MYCBP2: variants seen among roughly 807,000 people sequenced by gnomAD.
The protein encoded by MYCBP2 is MYC binding protein 2.
MYCBP2 carries 120 observed loss-of-function variants against 525.3 expected under a neutral mutation model. The ratio of observed to expected loss-of-function variants is 0.23; its 90% CI spans 0.20 to 0.27. The LOEUF (loss-of-function observed/expected upper bound fraction) is 0.27, where lower values mean the gene tolerates loss of function less well. Ranked by LOEUF, MYCBP2 falls within the 10% of genes least tolerant of loss-of-function variation. MYCBP2 has a pLI of 1.00. For missense variants in MYCBP2, 4,149 were observed against 5,657.1 expected (o/e 0.73, Z 8.55); for synonymous variants, 1,894 against 1,955.8 (o/e 0.97, Z 0.83).
In MYCBP2 at chr13:77,243,040, C is replaced by T. The variant is rs756154484; in HGVS notation, c.2629+19G>A. On this transcript the variant is annotated intron_variant, in intron 17 of 82. Transcript: ENST00000544440. Reference sequence around the variant, plus strand: ...GAAAGTGGATTTTCATGTACTTTTTCTCTGTAGCTACATCTTACCTCTTCC... The same window carrying T: ...GAAAGTGGATTTTCATGTACTTTTTTTCTGTAGCTACATCTTACCTCTTCC... 4 of 1,607,390 alleles carry T rather than the reference C, an allele frequency of 2.5e-6. No homozygotes were observed. The East Asian group carries it at 6.7e-5, about 27-fold the overall frequency.
At chr13:77,069,168 T>C (rs1181052210) in intron 69 of MYCBP2, among the ~76,000 whole-genome samples, 3 of 152,226 alleles carry the variant, frequency 2.0e-5, no homozygotes, top group African/African-American at 7.2e-5. Flanking sequence ...TGGTTTACCA[T>C]TATGTTCATA....
chr13:77,287,329 C>T (rs1369867037), intron 3 of MYCBP2, among the ~76,000 whole-genome samples: 1 of 151,746 alleles, frequency 6.6e-6, no homozygotes, highest in Non-Finnish European at 1.5e-5. Flanking sequence ...GGATTATAGG[C>T]GACTGCCACA....
intron 26 of MYCBP2, among the ~76,000 whole-genome samples, chr13:77,198,418 G>C (rs943830652): frequency 6.6e-6 from 1 of 152,216 alleles, no homozygotes; most frequent in Non-Finnish European, 1.5e-5. Flanking sequence ...TTATGAAGAA[G>C]AGTGTTAACA....
intron 20 of MYCBP2, among the ~76,000 whole-genome samples, chr13:77,220,551 ACATT>A (rs1178695794): frequency 6.6e-6 from 1 of 152,178 alleles, no homozygotes; most frequent in Admixed American, 6.5e-5. Context: ...CTTAAACAAC[ACATT>A]ATTAATGTGT....
intron 58 of MYCBP2, among the ~76,000 whole-genome samples, chr13:77,095,078 G>C (rs2046036262): frequency 6.6e-6 from 1 of 152,150 alleles, no homozygotes; most frequent in Admixed American, 6.6e-5. Flanking sequence ...AGTGAAGTCA[G>C]CCTACCAAAG....
chr13:77,278,206 A>G (rs890822816), intron 4 of MYCBP2, among the ~76,000 whole-genome samples: 6 of 152,202 alleles, frequency 3.9e-5, no homozygotes, highest in African/African-American at 1.4e-4. Context: ...CTGTTTTTTA[A>G]AACTATTGAG....
At chr13:77,257,453 A>C (rs550857962) in intron 14 of MYCBP2, among the ~76,000 whole-genome samples, 1 of 152,156 alleles carries the variant, frequency 6.6e-6, no homozygotes, top group Admixed American at 6.5e-5. Flanking sequence ...TTACCCTGTG[A>C]TTATTATTAC....
chr13:77,098,920 T>C lies in MYCBP2; in HGVS notation c.8234A>G (p.Asp2745Gly), dbSNP rs1566519635. 2 of 1,613,674 alleles carry C rather than the reference T, an allele frequency of 1.2e-6. No individual in the cohort carries two copies. Among genetic ancestry groups the C allele is most frequent in the Non-Finnish European group, 1.7e-6 (2 of 1,179,768 alleles). The change falls in exon 56 of 83, where the codon GAT becomes GGT. Residue 2745 changes from aspartate to glycine, a missense_variant. Asp to Gly is a moderately conservative substitution (Grantham distance 94). Transcript: ENST00000544440. Reference sequence around the variant, plus strand: ...AGCAGTAGTCCGGCTCATACGTCCATCAGGTTTAAGCGATCTGCTGTGTTT... The same window carrying C: ...AGCAGTAGTCCGGCTCATACGTCCACCAGGTTTAAGCGATCTGCTGTGTTT... ...SSKHSRSLKP[D>G]GRMSRTTADQ...
intron 3 of MYCBP2, among the ~76,000 whole-genome samples, chr13:77,282,036 T>C (rs1014232406): frequency 2.0e-5 from 3 of 151,990 alleles, no homozygotes; most frequent in Non-Finnish European, 4.4e-5. Context: ...TAATAAAAAA[T>C]TTAAAAATCT....
At chr13:77,169,848 G>A in intron 38 of MYCBP2, 134 bp from the exon 39 acceptor site, 1 of 724,576 alleles carries the variant, frequency 1.4e-6, no homozygotes, top group Non-Finnish European at 2.4e-6. Context: ...TGCTTGTCAA[G>A]GGCCTGGTAC....
chr13:77,185,781 G>T, intron 31 of MYCBP2, 90 bp downstream of exon 31: 1 of 930,614 alleles, frequency 1.1e-6, no homozygotes, highest in Non-Finnish European at 1.5e-6. Context: ...ATGCAGCTGG[G>T]GGGCATAAAC....
intron 24 of MYCBP2, 31 bp downstream of exon 24, chr13:77,206,622 G>T (rs2154276764): frequency 6.6e-7 from 1 of 1,525,918 alleles, no homozygotes; most frequent in South Asian, 1.3e-5. Context: ...ACATTAATGT[G>T]AATTAATGGT....
At position 77,055,675 on chromosome 13, in the gene MYCBP2, T is replaced by C. The variant is rs1566298761; in HGVS notation, c.13530A>G (p.Glu4510=). The part of the protein sequence containing the change: ...DVRRKALMRL[E]YEGLHKSEAI... ...CTTCACTCTTATGCAGACCTTCATA[T>C]TCCAATCTCATTAAGGCTTTTCTTC... The change falls in exon 80 of 83, where the codon GAA becomes GAG. Residue 4510 remains glutamate, a synonymous_variant. Coordinates refer to ENST00000544440, the MANE Select transcript of MYCBP2 (RefSeq NM_015057.5). 3 of 1,614,084 alleles carry C rather than the reference T, an allele frequency of 1.9e-6. No individual in the cohort carries two copies. Among genetic ancestry groups the C allele is most frequent in the Non-Finnish European group, 2.5e-6 (3 of 1,179,964 alleles).
chr13:77,070,407 T>A (rs2154084318), intron 69 of MYCBP2, among the ~76,000 whole-genome samples: 1 of 151,874 alleles, frequency 6.6e-6, no homozygotes, highest in South Asian at 2.1e-4. Context: ...ATTAGGAGAT[T>A]TTTTTTTCTT....
intron 68 of MYCBP2, chr13:77,076,251 G>C (rs1376844364): frequency 6.6e-6 from 1 of 152,252 alleles, no homozygotes; most frequent in African/African-American, 2.4e-5. Context: ...TGGTCTTTAA[G>C]AAGCTATGGT....
chr13:77,063,785 C>T (rs142899707), intron 73 of MYCBP2, among the ~76,000 whole-genome samples: 1 of 152,068 alleles, frequency 6.6e-6, no homozygotes, highest in East Asian at 1.9e-4. Context: ...AGAAATAATG[C>T]ATGCAAGGAG....
intron 36 of MYCBP2, 63 bp from the exon 37 acceptor site, chr13:77,174,552 T>C: frequency 7.5e-7 from 1 of 1,329,630 alleles, no homozygotes; most frequent in Non-Finnish European, 1.0e-6. Context: ...TAAAAAGAAC[T>C]CTAGCAGTAA....
At chr13:77,315,549 T>C (rs1714519750) in intron 1 of MYCBP2, among the ~76,000 whole-genome samples, 1 of 152,216 alleles carries the variant, frequency 6.6e-6, no homozygotes, top group Non-Finnish European at 1.5e-5. Context: ...ATGATCATTT[T>C]AACAGGTAGA....
At chr13:77,298,714 T>C (rs1426183723) in intron 1 of MYCBP2, among the ~76,000 whole-genome samples, 1 of 152,216 alleles carries the variant, frequency 6.6e-6, no homozygotes, top group East Asian at 1.9e-4. Flanking sequence ...GGGATTATTT[T>C]GCACAGACTT....
Sources: gnomAD v4.1 joint callset for allele counts (sites outside exome capture counted in the v4.1 genomes callset) on GRCh38, gnomAD v4.1.1 for gene constraint, MANE v1.5 for transcripts, NCBI Gene and HGNC (gene_info 2026-07-23, HGNC 2026-07-21) for gene names.